The following LDB2 variants were observed in gnomAD, a reference collection of about 807,000 sequenced individuals.
LDB2 encodes LIM domain-binding protein 2.
LDB2 carries 12 observed loss-of-function variants against 44.3 expected under a neutral mutation model. The observed-to-expected ratio is 0.27, with a 90% confidence interval of 0.17 to 0.44. The LOEUF (loss-of-function observed/expected upper bound fraction) is 0.44, where lower values mean the gene tolerates loss of function less well. Ranked by LOEUF, LDB2 falls within the 20% of genes least tolerant of loss-of-function variation. The pLI, the probability that LDB2 is intolerant of heterozygous loss-of-function variation, is 1.00. For missense variants in LDB2, 344 were observed against 473.5 expected, an observed-to-expected ratio of 0.73 and a Z score of 2.54; for synonymous variants, 164 against 174.8, an observed-to-expected ratio of 0.94 and a Z score of 0.49.
At chr4:16,529,463 G>A (rs10939667) in intron 5 of LDB2, among the ~76,000 whole-genome samples, 33,998 of 151,986 alleles carry the variant, frequency 0.22, 4,126 homozygotes, top group East Asian at 0.52. Flanking sequence ...GAAATGGGTC[G>A]GAGCTGAGGA....
At chr4:16,825,422 A>G (rs1782867973) in intron 1 of LDB2, among the ~76,000 whole-genome samples, 1 of 152,196 alleles carries the variant, frequency 6.6e-6, no homozygotes, top group Non-Finnish European at 1.5e-5. Flanking sequence ...CCCCAAGGCA[A>G]GCAGGGTACC....
At chr4:16,598,887 T>TC (rs1357935041) in intron 2 of LDB2, among the ~76,000 whole-genome samples, 1 of 151,526 alleles carries the variant, frequency 6.6e-6, no homozygotes, top group Non-Finnish European at 1.5e-5. Flanking sequence ...CTTTTTTTTT[T>TC]TTTTTTAAAT....
chr4:16,509,732 C>T (rs1720958700), intron 6 of LDB2, among the ~76,000 whole-genome samples: 1 of 152,138 alleles, frequency 6.6e-6, no homozygotes, highest in Admixed American at 6.6e-5. Context: ...TCCTTTTTGC[C>T]AGCTCTATTT....
intron 5 of LDB2, among the ~76,000 whole-genome samples, chr4:16,544,500 A>G (rs1158389169): frequency 6.6e-6 from 1 of 152,220 alleles, no homozygotes; most frequent in Non-Finnish European, 1.5e-5. Context: ...AAAAGGCTCA[A>G]TCTGCCTGCT....
chr4:16,541,614 A>G (rs1394791662), intron 5 of LDB2, among the ~76,000 whole-genome samples: 1 of 152,202 alleles, frequency 6.6e-6, no homozygotes, highest in Non-Finnish European at 1.5e-5. Context: ...GTAAGGGCTG[A>G]GCAGCATCAA....
intron 5 of LDB2, among the ~76,000 whole-genome samples, chr4:16,546,045 C>T (rs1275579871): frequency 1.3e-5 from 2 of 152,162 alleles, no homozygotes; most frequent in African/African-American, 4.8e-5. Flanking sequence ...TGCTCATGAA[C>T]CCATTTGTCT....
intron 2 of LDB2, among the ~76,000 whole-genome samples, chr4:16,682,837 C>T (rs1748286994): frequency 6.6e-6 from 1 of 152,222 alleles, no homozygotes; most frequent in Non-Finnish European, 1.5e-5. Flanking sequence ...ATTACTTGTT[C>T]ACAACCAAGA....
intron 1 of LDB2, among the ~76,000 whole-genome samples, chr4:16,844,608 T>C (rs775267112): frequency 2.0e-5 from 3 of 152,230 alleles, no homozygotes; most frequent in Non-Finnish European, 4.4e-5. Context: ...GTTTTAATGT[T>C]AAGAAATCAA....
At chr4:16,882,753 C>A (rs749766726) in intron 1 of LDB2, among the ~76,000 whole-genome samples, 1 of 151,524 alleles carries the variant, frequency 6.6e-6, no homozygotes, top group Non-Finnish European at 1.5e-5. Context: ...AGTTTTGAGT[C>A]CAGAAAAAAA....
At chr4:16,831,119 T>C (rs1783983426) in intron 1 of LDB2, among the ~76,000 whole-genome samples, 1 of 150,212 alleles carries the variant, frequency 6.7e-6, no homozygotes, top group African/African-American at 2.4e-5. Context: ...TGGATTTAGA[T>C]CCCAGCTCCA....
intron 5 of LDB2, among the ~76,000 whole-genome samples, chr4:16,568,050 A>G (rs1454350849): frequency 6.6e-6 from 1 of 152,216 alleles, no homozygotes; most frequent in Non-Finnish European, 1.5e-5. Context: ...TGTCCCTTAA[A>G]TATTAGAGTG....
At chr4:16,793,474 T>C (rs1368867082) in intron 1 of LDB2, among the ~76,000 whole-genome samples, 5 of 152,134 alleles carry the variant, frequency 3.3e-5, no homozygotes, top group African/African-American at 1.2e-4. Context: ...AACCATCAGC[T>C]CCCAGGTTGC....
At chr4:16,774,309 C>T (rs1398987610) in intron 1 of LDB2, among the ~76,000 whole-genome samples, 2 of 152,148 alleles carry the variant, frequency 1.3e-5, no homozygotes, top group Non-Finnish European at 2.9e-5. Flanking sequence ...TTCCAACCTG[C>T]AGAAAAGTCT....
chr4:16,736,760 T>G (rs1042221583), intron 2 of LDB2, among the ~76,000 whole-genome samples: 2 of 152,204 alleles, frequency 1.3e-5, no homozygotes, highest in Non-Finnish European at 2.9e-5. Flanking sequence ...TGACTTCTTT[T>G]GTTTATAGGA....
At chr4:16,532,839 C>T (rs944027179) in intron 5 of LDB2, among the ~76,000 whole-genome samples, 49 of 152,222 alleles carry the variant, frequency 3.2e-4, no homozygotes, top group African/African-American at 1.0e-3. Context: ...GGGACTTCTT[C>T]GGTCATATTT....
At chr4:16,882,038 CT>C (rs1365121104) in intron 1 of LDB2, among the ~76,000 whole-genome samples, 1 of 152,210 alleles carries the variant, frequency 6.6e-6, no homozygotes, top group Non-Finnish European at 1.5e-5. Context: ...GTGTACATGT[CT>C]GTGCATGTGT....
intron 5 of LDB2, among the ~76,000 whole-genome samples, chr4:16,575,384 T>C (rs1181264483): frequency 6.6e-6 from 1 of 152,192 alleles, no homozygotes; most frequent in African/African-American, 2.4e-5. Context: ...ACTTTCAGCA[T>C]TGGACCACTC....
intron 1 of LDB2, among the ~76,000 whole-genome samples, chr4:16,881,115 A>C (rs1048704014): frequency 1.3e-5 from 2 of 152,152 alleles, no homozygotes; most frequent in Non-Finnish European, 2.9e-5. Flanking sequence ...TGCGTCTCAC[A>C]GTGAGACTCA....
At chr4:16,761,010 T>A (rs902885981) in intron 1 of LDB2, among the ~76,000 whole-genome samples, 36 of 150,408 alleles carry the variant, frequency 2.4e-4, no homozygotes, top group African/African-American at 8.8e-4. Context: ...TGTGTGTGGT[T>A]TTTTTTTTTT....
Sources: gnomAD v4.1 joint callset for allele counts (sites outside exome capture counted in the v4.1 genomes callset) on GRCh38, gnomAD v4.1.1 for gene constraint, MANE v1.5 for transcripts, NCBI Gene and HGNC (gene_info 2026-07-23, HGNC 2026-07-21) for gene names.